Variants in TAFA1 observed in about 807,000 individuals in gnomAD.
The protein encoded by TAFA1 is TAFA chemokine like family member 1.
Under a neutral mutation model 18.5 loss-of-function variants are expected in TAFA1, and 4 were observed. The observed-to-expected ratio is 0.22, with a 90% CI of 0.11 to 0.49. The LOEUF (loss-of-function observed/expected upper bound fraction) is 0.49. Among genes scored for constraint, TAFA1 ranks in the 20% least tolerant of loss-of-function variants. The probability of loss-of-function intolerance (pLI) is 0.98; values close to 1 mark genes in which losing one functional copy is unlikely to be tolerated. For synonymous variants in TAFA1, 56 were observed against 55.2 expected (o/e 1.01, Z -0.06); for missense variants, 147 against 169.0 (o/e 0.87, Z 0.72).
chr3:68,514,206 C>T (rs1195678663), intron 3 of TAFA1, among the ~76,000 whole-genome samples: 1 of 152,116 alleles, frequency 6.6e-6, no homozygotes, highest in African/African-American at 2.4e-5. Flanking sequence ...TCTGGGGGAA[C>T]ATAAACATCA....
chr3:68,358,172 CA>C (rs1575802601), intron 2 of TAFA1, among the ~76,000 whole-genome samples: 1 of 151,824 alleles, frequency 6.6e-6, no homozygotes, highest in Non-Finnish European at 1.5e-5. Flanking sequence ...TATTTTCAGA[CA>C]TTTTTCTATG....
intron 2 of TAFA1, among the ~76,000 whole-genome samples, chr3:68,261,331 T>C (rs1271842819): frequency 6.6e-6 from 1 of 152,188 alleles, no homozygotes; most frequent in Non-Finnish European, 1.5e-5. Context: ...TGTAAACTAG[T>C]TCAACCCTTG....
chr3:68,543,348 T>C (rs1183581719), intron 4 of TAFA1, among the ~76,000 whole-genome samples: 1 of 152,142 alleles, frequency 6.6e-6, no homozygotes, highest in Non-Finnish European at 1.5e-5. Flanking sequence ...CAGGTTAAAA[T>C]AGCAGAACAT....
intron 2 of TAFA1, among the ~76,000 whole-genome samples, chr3:68,293,613 A>G (rs561496359): frequency 3.9e-4 from 60 of 152,338 alleles, no homozygotes; most frequent in African/African-American, 1.3e-3. Context: ...GTAAGAATTA[A>G]TGAGATATTG....
At chr3:68,185,149 C>A (rs186135879) in intron 2 of TAFA1, among the ~76,000 whole-genome samples, 2 of 151,276 alleles carry the variant, frequency 1.3e-5, no homozygotes, top group Non-Finnish European at 3.0e-5. Flanking sequence ...GGAACCAGTC[C>A]GCATGGGAGA....
chr3:68,324,467 CAG>C (rs1355391208), intron 2 of TAFA1, among the ~76,000 whole-genome samples: 1 of 152,104 alleles, frequency 6.6e-6, no homozygotes, highest in Admixed American at 6.5e-5. Flanking sequence ...TTGCTTGTAA[CAG>C]AGAGGGAGGG....
chr3:68,432,368 C>T (rs1485275130), intron 3 of TAFA1, among the ~76,000 whole-genome samples: 4 of 151,912 alleles, frequency 2.6e-5, no homozygotes, highest in East Asian at 1.9e-4. Flanking sequence ...ACCACAAATG[C>T]GTAATCCAAT....
intron 4 of TAFA1, 123 bp downstream of exon 4, chr3:68,539,003 A>C: frequency 2.0e-6 from 2 of 984,052 alleles, no homozygotes; most frequent in Non-Finnish European, 3.0e-6. Context: ...GACAGAAAGC[A>C]TTCTGAACTA....
chr3:68,417,615 A>C (rs2070865288), intron 3 of TAFA1, 195 bp downstream of exon 3: 2 of 585,794 alleles, frequency 3.4e-6, no homozygotes, highest in East Asian at 3.0e-5. Context: ...TTTTTTCCCC[A>C]AAAAATAGAT....
chr3:68,466,709 T>C (rs1032632375), intron 3 of TAFA1, among the ~76,000 whole-genome samples: 1 of 152,178 alleles, frequency 6.6e-6, no homozygotes, highest in Non-Finnish European at 1.5e-5. Context: ...ATATTTTTAT[T>C]TTAACATTAG....
At chr3:68,092,157 A>T (rs1235052019) in intron 2 of TAFA1, among the ~76,000 whole-genome samples, 2 of 152,038 alleles carry the variant, frequency 1.3e-5, no homozygotes, top group African/African-American at 2.4e-5. Context: ...AAGTGAATAA[A>T]CCCAACATTG....
chr3:68,264,174 G>T (rs941911912), intron 2 of TAFA1, among the ~76,000 whole-genome samples: 3 of 152,114 alleles, frequency 2.0e-5, no homozygotes, highest in African/African-American at 2.4e-5. Context: ...GGAGGCTGAG[G>T]CTTGAGAATC....
chr3:68,149,521 G>A (rs1359265224), intron 2 of TAFA1, among the ~76,000 whole-genome samples: 1 of 152,212 alleles, frequency 6.6e-6, no homozygotes, highest in East Asian at 1.9e-4. Flanking sequence ...AGGGGATCCA[G>A]TGTGTGGAGA....
chr3:68,013,748 T>A (rs569179131), intron 2 of TAFA1, among the ~76,000 whole-genome samples: 3 of 152,242 alleles, frequency 2.0e-5, no homozygotes, highest in Admixed American at 1.3e-4. Context: ...GATAATACCC[T>A]CAAAGCACTT....
intron 2 of TAFA1, among the ~76,000 whole-genome samples, chr3:68,332,661 G>A (rs542502864): frequency 5.3e-5 from 8 of 152,312 alleles, no homozygotes; most frequent in Middle Eastern, 6.8e-3. Context: ...CAACAGGTAT[G>A]TGGAAAGGTA....
intron 2 of TAFA1, among the ~76,000 whole-genome samples, chr3:68,256,585 T>C (rs1575715583): frequency 6.6e-6 from 1 of 152,252 alleles, no homozygotes; most frequent in African/African-American, 2.4e-5. Context: ...GTCTGTAAAA[T>C]TATTTTGGGG....
At chr3:68,035,257 C>T (rs369666460) in intron 2 of TAFA1, among the ~76,000 whole-genome samples, 8 of 152,142 alleles carry the variant, frequency 5.3e-5, no homozygotes, top group African/African-American at 1.2e-4. Context: ...GTTTCTCACA[C>T]GCAATGTTGA....
At chr3:68,384,472 G>A (rs889318944) in intron 2 of TAFA1, among the ~76,000 whole-genome samples, 1 of 152,006 alleles carries the variant, frequency 6.6e-6, no homozygotes, top group Admixed American at 6.6e-5. Flanking sequence ...TACTTGTATG[G>A]TTTTGAGTGA....
intron 3 of TAFA1, among the ~76,000 whole-genome samples, chr3:68,446,305 A>G (rs1482339434): frequency 6.6e-6 from 1 of 152,108 alleles, no homozygotes; most frequent in African/African-American, 2.4e-5. Flanking sequence ...AATAGTCACA[A>G]TGGAGAGCAT....
Sources: allele counts gnomAD v4.1 joint callset (sites outside exome capture counted in the v4.1 genomes callset), GRCh38; gene constraint gnomAD v4.1.1; transcripts MANE v1.5; gene names NCBI Gene and HGNC (gene_info 2026-07-23, HGNC 2026-07-21).